The following FSCN2 variants were observed in gnomAD, a reference collection of about 807,000 sequenced individuals.
FSCN2 encodes fascin-2.
A neutral mutation model predicts 37.8 loss-of-function variants in FSCN2; 46 were observed. That is an observed-to-expected ratio of 1.22 (90% CI 0.96 to 1.56). FSCN2 has a LOEUF of 1.56. Among genes scored for constraint, FSCN2 ranks in the 40% most tolerant of loss-of-function variants. The pLI, the probability that FSCN2 is intolerant of heterozygous loss-of-function variation, is 0.00. For missense variants in FSCN2, 844 were observed against 730.4 expected (o/e 1.16, Z -1.79); for synonymous variants, 351 against 309.4 (o/e 1.13, Z -1.41).
chr17:81,525,269 T>C (rs1555669953), upstream of FSCN2, among the ~76,000 whole-genome samples: 1 of 150,182 alleles, frequency 6.7e-6, no homozygotes, highest in East Asian at 2.0e-4. Context: ...CTACTAAAAA[T>C]ACAAAAACTA....
chr17:81,537,012 G>A lies in FSCN2; in HGVS notation c.1411G>A (p.Gly471Ser), dbSNP rs761543844. 11 of 1,506,710 alleles carry A rather than the reference G, an allele frequency of 7.3e-6. No homozygotes were observed. In the Admixed American group the frequency reaches 1.7e-4, roughly 24 times the overall value. The allele number at this position is 1,506,710 out of a possible 1,614,324, so 93.3% of individuals were successfully genotyped here. A position where few individuals can be genotyped will look rare whatever the true frequency, so the allele number is the denominator to read the frequency against. The change falls in exon 5 of 5, where the codon GGC (glycine) becomes AGC (serine). Residue 471 changes from glycine (G) to serine (S), a missense_variant. Coordinates refer to ENST00000417245, the MANE Select transcript of FSCN2 (RefSeq NM_012418.4). Reference sequence around the variant, plus strand: ...CGCCCGGAGCGGCAAGTACCTGCGCGGCGGCGCCTCGGGCCTGCTGCGGGC... The same window carrying A: ...CGCCCGGAGCGGCAAGTACCTGCGCAGCGGCGCCTCGGGCCTGCTGCGGGC... ...IRARSGKYLR[G>S]GASGLLRADA...
chr17:81,515,221 G>C, the FSCN2 span, among the ~76,000 whole-genome samples: 1 of 152,194 alleles, frequency 6.6e-6, no homozygotes, highest in Non-Finnish European at 1.5e-5. Context: ...CTCGCCCAAG[G>C]TCGCGCGGGG....
intron 1 of FSCN2, among the ~76,000 whole-genome samples, chr17:81,531,255 GTGATGA>G (rs1336746995): frequency 8.7e-6 from 1 of 115,128 alleles, no homozygotes; most frequent in African/African-American, 4.0e-5. Context: ...GATGGTGATG[GTGATGA>G]TGGTGGTGAT....
rs760309853 is a variant in FSCN2, at chr17:81,536,226, TGAA to T, written c.1071_1073del (p.Lys357del). The T allele has an allele frequency of 9.6e-5, 154 of 1,601,730 alleles. No homozygotes were observed. The highest frequency in any genetic ancestry group is 6.3e-4 in the East Asian group (28 of 44,336). ...GCCAGCAACGGGCGCTACGTGTGCA[TGAA>T]GAAGAATGGGCAGCTGGCGGCTATC... On this transcript the variant is annotated inframe_deletion, in exon 3 of 5. Coordinates refer to ENST00000417245, the MANE Select transcript of FSCN2 (RefSeq NM_012418.4).
chr17:81,525,178 C>A (rs575985316), upstream of FSCN2, among the ~76,000 whole-genome samples: 211 of 152,120 alleles, frequency 1.4e-3, 2 homozygotes, highest in Admixed American at 0.013. Flanking sequence ...GTAATCCCAG[C>A]ACTTTGGGAG....
At chr17:81,522,438 C>T in the FSCN2 span, among the ~76,000 whole-genome samples, 1 of 152,232 alleles carries the variant, frequency 6.6e-6, no homozygotes, top group Non-Finnish European at 1.5e-5. Flanking sequence ...CTGGGTGACA[C>T]CACGATGGTG....
chr17:81,536,132 G>A lies in FSCN2; in HGVS notation c.984-14G>A, dbSNP rs1172939884. 1 of 1,605,366 alleles carries A rather than the reference G, an allele frequency of 6.2e-7. No homozygotes were observed. Among genetic ancestry groups the A allele is most frequent in the Non-Finnish European group, 8.5e-7 (1 of 1,176,658 alleles). On this transcript the variant is annotated splice_polypyrimidine_tract_variant and intron_variant, in intron 2 of 4. Coordinates refer to ENST00000417245, the MANE Select transcript of FSCN2 (RefSeq NM_012418.4). ...TCCTGCTGTCCTGAGGAGACCTTTT[G>A]CTGCTCCCTCCAGTTCTGCCAACAC...
At chr17:81,530,852 C>T (rs2032526644) in intron 1 of FSCN2, among the ~76,000 whole-genome samples, 1 of 152,230 alleles carries the variant, frequency 6.6e-6, no homozygotes, top group Non-Finnish European at 1.5e-5. Context: ...ACGGCCATGG[C>T]CCTTCCTTCC....
At position 81,536,213 on chromosome 17, in the gene FSCN2, CGCTACGTGTG is replaced by C; in HGVS notation, c.1052_1061del (p.Arg351ProfsTer2). 6.2e-7 allele frequency: 1 copy of C among 1,600,636 alleles called. No homozygotes were observed. On this transcript the variant is annotated frameshift_variant, in exon 3 of 5. Transcript: ENST00000417245. LOFTEE classifies it high-confidence loss of function. ...GGTAGCACTCAAAGCCAGCAACGGG[CGCTACGTGTG>C]CATGAAGAAGAATGGGCAGCTGGCG...
At position 81,536,922 on chromosome 17, in the gene FSCN2, A is replaced by C; in HGVS notation, c.1321A>C (p.Ser441Arg). ...CACGGGCAGCCACGGCAGCGTGTGC[A>C]GCGACGGCGAACGCGCCGAGGACTT... ...WYTGSHGSVC[S>R]DGERAEDFVF... Residue 441 changes from serine (S) to arginine (R), a missense_variant, in exon 5 of 5, where the codon AGC becomes CGC. Transcript: ENST00000417245. 1 of 1,574,598 alleles carries C rather than the reference A, an allele frequency of 6.4e-7. No homozygotes were observed. The highest frequency in any genetic ancestry group is 1.1e-5 in the South Asian group (1 of 87,398).
At chr17:81,532,137 GTGA>G (rs1568078723) in intron 1 of FSCN2, among the ~76,000 whole-genome samples, 1 of 137,676 alleles carries the variant, frequency 7.3e-6, no homozygotes. Context: ...GATAGTGATG[GTGA>G]TGATGGTGAT....
the FSCN2 span, among the ~76,000 whole-genome samples, chr17:81,522,422 A>G: frequency 2.0e-5 from 3 of 152,242 alleles, no homozygotes; most frequent in African/African-American, 4.8e-5. Flanking sequence ...GTTGTCCCCA[A>G]GGGAGCTGGG....
chr17:81,531,474 G>GTGGTGATGA (rs2032591373), intron 1 of FSCN2, among the ~76,000 whole-genome samples: 1 of 105,848 alleles, frequency 9.4e-6, no homozygotes, highest in African/African-American at 4.4e-5. Flanking sequence ...GATGGTGGTG[G>GTGGTGATGA]TGGTGATGGT....
chr17:81,525,299 G>A (rs756225027), upstream of FSCN2, among the ~76,000 whole-genome samples: 61 of 151,816 alleles, frequency 4.0e-4, 1 homozygote, highest in Non-Finnish European at 7.1e-4. Flanking sequence ...GGTGGTGGGC[G>A]CCTGTAGTCC....
chr17:81,516,277 C>T, the FSCN2 span, among the ~76,000 whole-genome samples: 10 of 152,384 alleles, frequency 6.6e-5, no homozygotes, highest in African/African-American at 2.4e-4. Context: ...TCAGTTATGG[C>T]AGTTGTCCCA....
chr17:81,515,265 G>GC, the FSCN2 span, among the ~76,000 whole-genome samples: 1 of 152,060 alleles, frequency 6.6e-6, no homozygotes, highest in Admixed American at 6.5e-5. Flanking sequence ...AGCCAGTGGC[G>GC]CAGGGCAGCC....
rs769300218 is a variant in FSCN2 at position 81,536,997 on chromosome 17, G to A, written c.1396G>A (p.Gly466Ser). ...RGRLAIRARS[G>S]KYLRGGASGL... ...CCGCCTGGCCATCCGCGCCCGGAGC[G>A]GCAAGTACCTGCGCGGCGGCGCCTC... Residue 466 changes from glycine (G) to serine (S), a missense_variant, in exon 5 of 5, where the codon GGC (glycine) becomes AGC (serine). By Grantham distance (56) the Gly-to-Ser change is moderately conservative. Coordinates refer to ENST00000417245, the MANE Select transcript of FSCN2 (RefSeq NM_012418.4). The A allele has an allele frequency of 2.8e-5, 42 of 1,521,398 alleles. 1 individual carries two copies. Among genetic ancestry groups the A allele is most frequent in the Admixed American group, 2.5e-4 (12 of 48,338 alleles). 94.2% of individuals were successfully genotyped at this position (1,521,398 alleles called of 1,614,324 possible).
Position 81,532,356 on chromosome 17 carries a change from GTGGTGATGGTGATGGTGATGA to G in FSCN2, c.827-2694_827-2674del, listed in dbSNP as rs2143879737. ...GATGGTGATGATGATGATAGTGATG[GTGGTGATGGTGATGGTGATGA>G]TAGTGATGGCGATGATGGTGATGAT... On this transcript the variant is annotated intron_variant, in intron 1 of 4. Transcript: ENST00000417245. Among the ~76,000 whole-genome samples, 5 of 116,488 alleles carry G rather than the reference GTGGTGATGGTGATGGTGATGA, an allele frequency of 4.3e-5. No individual in the cohort carries two copies. In the South Asian group the frequency reaches 1.5e-3, roughly 35 times the overall value. The allele number at this position is 116,488 out of a possible 152,430, so 76.4% of individuals were successfully genotyped here.
Position 81,536,614 on chromosome 17 carries a change from C to A in FSCN2, c.1106-8C>A, listed in dbSNP as rs1598582166. 1 of 1,608,034 alleles carries A rather than the reference C, an allele frequency of 6.2e-7. No individual in the cohort carries two copies. The highest frequency in any genetic ancestry group is 2.2e-5 in the East Asian group (1 of 44,874). ...GAGGGGCAGCGCAGCAGACGCTCTC[C>A]CCGCCAGGCAAGGACGAAGAGTTCA... On this transcript the variant is annotated splice_polypyrimidine_tract_variant and splice_region_variant and intron_variant, in intron 3 of 4. Transcript: ENST00000417245.
Sources: allele counts gnomAD v4.1 joint callset (sites outside exome capture counted in the v4.1 genomes callset), GRCh38; gene constraint gnomAD v4.1.1; transcripts MANE v1.5; gene names NCBI Gene and HGNC (gene_info 2026-07-23, HGNC 2026-07-21).